The following ACTR6 variants were observed in gnomAD, a reference collection of about 807,000 sequenced individuals.
The protein encoded by ACTR6 is actin-related protein 6.
ACTR6 carries 50 observed loss-of-function variants against 52.5 expected under a neutral mutation model. The ratio of observed to expected loss-of-function variants is 0.95; its 90% CI spans 0.76 to 1.20. ACTR6 has a LOEUF of 1.20. Among genes scored for constraint, ACTR6 ranks in the 50% most tolerant of loss-of-function variants. The pLI is 0.00. For synonymous variants in ACTR6, 135 were observed against 147.2 expected (o/e 0.92, Z 0.60); for missense variants, 344 against 472.4 (o/e 0.73, Z 2.52).
intron 1 of ACTR6, among the ~76,000 whole-genome samples, chr12:100,202,874 A>T (rs73159499): frequency 0.043 from 6,525 of 151,618 alleles, 309 homozygotes; most frequent in African/African-American, 0.12. Context: ...AAAAAAAAAA[A>T]GTTGCTACTT....
intron 4 of ACTR6, chr12:100,208,809 C>T (rs1464302790): frequency 1.1e-5 from 5 of 453,452 alleles, no homozygotes; most frequent in African/African-American, 8.0e-5. Context: ...TGTGGTGGCA[C>T]AAACATGGCT....
chr12:100,201,392 G>A (rs1419506659), intron 1 of ACTR6, among the ~76,000 whole-genome samples: 1 of 152,058 alleles, frequency 6.6e-6, no homozygotes, highest in Admixed American at 6.5e-5. Context: ...CGACCTAGTT[G>A]GTAAGGTCAA....
intron 8 of ACTR6, among the ~76,000 whole-genome samples, chr12:100,214,848 C>T (rs2096122765): frequency 6.6e-6 from 1 of 152,134 alleles, no homozygotes; most frequent in Non-Finnish European, 1.5e-5. Context: ...GTTGCCTGGG[C>T]ATGTATCAGG....
chr12:100,201,095 T>A, intron 1 of ACTR6, 176 bp downstream of exon 1: 1 of 1,443,804 alleles, frequency 6.9e-7, no homozygotes, highest in East Asian at 2.6e-5. Context: ...TGAAATTGAT[T>A]TTGGTTTTAG....
chr12:100,200,964 GGTTTCATGTGCTAC>G (rs773962894), intron 1 of ACTR6, 45 bp downstream of exon 1: 9 of 1,613,234 alleles, frequency 5.6e-6, no homozygotes, highest in Non-Finnish European at 7.6e-6. Context: ...TACGCCTAGT[GGTTTCATGTGCTAC>G]GTTTCATCTC....
At chr12:100,204,913 G>T (rs763166222) in intron 1 of ACTR6, 27 bp from the exon 2 acceptor site, 10 of 1,412,046 alleles carry the variant, frequency 7.1e-6, no homozygotes, top group Non-Finnish European at 5.0e-6. Flanking sequence ...ATATTTAGGG[G>T]ATAATTATTT....
intron 10 of ACTR6, among the ~76,000 whole-genome samples, chr12:100,222,640 A>G (rs1166678684): frequency 2.0e-5 from 3 of 152,056 alleles, no homozygotes; most frequent in Admixed American, 6.6e-5. Context: ...GGTCCAAGCA[A>G]TCCTCCTGCC....
At position 100,205,005 on chromosome 12, in the gene ACTR6, T is replaced by C. The variant is rs1201486322; in HGVS notation, c.134T>C (p.Ile45Thr). 1.9e-6 allele frequency: 3 copies of C among 1,612,588 alleles called. No homozygotes were observed. The African/African-American group carries it at 4.0e-5, about 22-fold the overall frequency. ...ARLKTFTANQ[I>T]DEIKDPSGLF... ...CTTAAAACTTTTACTGCCAACCAGA[T>C]AGATGAAATAAAAGACCCTTCTGGA... Residue 45 changes from isoleucine to threonine, a missense_variant, in exon 2 of 11, where the codon ATA becomes ACA. By Grantham distance (89) the Ile-to-Thr change is moderately conservative (BLOSUM62 -1). Transcript: ENST00000188312.
At chr12:100,217,061 G>A (rs1342903870) in intron 8 of ACTR6, among the ~76,000 whole-genome samples, 1 of 152,134 alleles carries the variant, frequency 6.6e-6, no homozygotes, top group African/African-American at 2.4e-5. Flanking sequence ...GAATGACCTT[G>A]AACAAGTAAT....
At position 100,205,657 on chromosome 12, in the gene ACTR6, T is replaced by G. The variant is rs1377099395; in HGVS notation, c.187-19T>G. 3.5e-6 allele frequency: 5 copies of G among 1,448,160 alleles called. No homozygotes were observed. The highest frequency in any genetic ancestry group is 1.5e-5 in the African/African-American group (1 of 68,426). 89.7% of individuals were successfully genotyped at this position (1,448,160 alleles called of 1,614,324 possible). A position where few individuals can be genotyped will look rare whatever the true frequency, so the allele number is the denominator to read the frequency against. Reference sequence around the variant, plus strand: ...ATTCAAATGTTCTTGATAATTAAATTTATAAAAACATTTTTTAGGGCTACT... The same window carrying G: ...ATTCAAATGTTCTTGATAATTAAATGTATAAAAACATTTTTTAGGGCTACT... On this transcript the variant is annotated intron_variant, in intron 2 of 10. Transcript: ENST00000188312.
intron 1 of ACTR6, among the ~76,000 whole-genome samples, chr12:100,203,128 T>C (rs2096111265): frequency 1.3e-5 from 2 of 152,024 alleles, no homozygotes; most frequent in Admixed American, 1.3e-4. Context: ...GGAAGTGCAA[T>C]TTAGGTGTTA....
At position 100,207,767 on chromosome 12, in the gene ACTR6, A is replaced by C. The variant is rs1177491133; in HGVS notation, c.360A>C (p.Gln120His). 6.3e-7 allele frequency: 1 copy of C among 1,597,772 alleles called. No homozygotes were observed. Among genetic ancestry groups the C allele is most frequent in the Non-Finnish European group, 8.6e-7 (1 of 1,168,508 alleles). The stretch of plus-strand genomic sequence containing the variant: ...TTCTATTTGAAGAATACCAGTTTCA[A>C]GCAGTATTAAGAGTAAATGGTGAGT... ...NEILFEEYQF[Q>H]AVLRVNAGAL... is the part of the protein sequence containing the mutation. The change falls in exon 4 of 11, where the codon CAA becomes CAC. Residue 120 changes from glutamine to histidine, a missense_variant. Physicochemically the swap from Gln to His is conservative, Grantham distance 24. Coordinates refer to ENST00000188312, the MANE Select transcript of ACTR6 (RefSeq NM_022496.5).
rs377694529 is a variant in ACTR6 at position 100,207,837 on chromosome 12, A to G, written c.379+51A>G. ...GAGTTATATGACTATGGATATGAAT[A>G]GGGTAATACTCATAAAGTCCCAAAA... On this transcript the variant is annotated intron_variant, in intron 4 of 10. Coordinates refer to ENST00000188312, the MANE Select transcript of ACTR6 (RefSeq NM_022496.5). 3.8e-6 allele frequency: 6 copies of G among 1,559,350 alleles called. No homozygotes were observed. The African/African-American group carries it at 6.8e-5, about 18-fold the overall frequency.
chr12:100,206,705 G>A (rs1246022367), intron 3 of ACTR6, among the ~76,000 whole-genome samples: 1 of 147,022 alleles, frequency 6.8e-6, no homozygotes, highest in African/African-American at 2.5e-5. Context: ...GTCTTGCTCT[G>A]TTGCCCAGGC....
At chr12:100,212,206 A>C (rs368544342) in intron 6 of ACTR6, 50 bp from the exon 7 acceptor site, 65 of 1,295,610 alleles carry the variant, frequency 5.0e-5, no homozygotes, top group Admixed American at 1.5e-4. Flanking sequence ...ATAATTATAA[A>C]TTATGTTTAA....
chr12:100,213,547 G>A (rs117588929), intron 8 of ACTR6, among the ~76,000 whole-genome samples: 3,540 of 152,304 alleles, frequency 0.023, 59 homozygotes, highest in African/African-American at 0.039. Flanking sequence ...GTATCATTAT[G>A]TATATTATGG....
In ACTR6 at chr12:100,200,875, T is replaced by C. The variant is rs1296804788; in HGVS notation, c.24T>C (p.Asn8=). Residue 8 remains asparagine, a synonymous_variant, in exon 1 of 11, where the codon AAT becomes AAC. Transcript: ENST00000188312. MTTLVLD[N]GAYNAKIGYS... ...AGATGACGACCTTAGTGCTGGATAA[T>C]GGAGCTTACAACGCCAAAATCGGTT... 1.2e-6 allele frequency: 2 copies of C among 1,614,138 alleles called. No individual in the cohort carries two copies. Among genetic ancestry groups the C allele is most frequent in the Non-Finnish European group, 8.5e-7 (1 of 1,180,010 alleles).
At position 100,212,508 on chromosome 12, in the gene ACTR6, A is replaced by G. The variant is rs1027169391; in HGVS notation, c.730A>G (p.Ile244Val). The G allele has an allele frequency of 1.2e-6, 2 of 1,613,678 alleles. No individual in the cohort carries two copies. The highest frequency in any genetic ancestry group is 1.1e-5 in the South Asian group (1 of 91,076). ...CTATGTCTTGCCTGACTTCAGTACA[A>G]TTAAAAAGGGCTTTTGTAAGGTAAT... ...IDYVLPDFST[I>V]KKGFCKPREE... The change falls in exon 8 of 11, where the codon ATT becomes GTT. Residue 244 changes from isoleucine (I) to valine (V), a missense_variant. Ile to Val is a conservative substitution (Grantham distance 29). Coordinates refer to ENST00000188312, the MANE Select transcript of ACTR6 (RefSeq NM_022496.5).
intron 1 of ACTR6, among the ~76,000 whole-genome samples, chr12:100,201,553 CTTCT>C (rs2096109694): frequency 6.6e-6 from 1 of 152,178 alleles, no homozygotes; most frequent in African/African-American, 2.4e-5. Context: ...CCCTCCTTTC[CTTCT>C]TTTTCATTTC....
Sources: gnomAD v4.1 joint callset for allele counts (sites outside exome capture counted in the v4.1 genomes callset) on GRCh38, gnomAD v4.1.1 for gene constraint, MANE v1.5 for transcripts, NCBI Gene and HGNC (gene_info 2026-07-23, HGNC 2026-07-21) for gene names.